CELF4: variants seen among roughly 807,000 people sequenced by gnomAD.
CELF4 encodes CUG-BP- and ETR-3-like factor 4.
In CELF4, 18 loss-of-function variants were observed where a neutral mutation model predicts 59.9. The observed-to-expected ratio is 0.30, with a 90% CI of 0.21 to 0.45. The LOEUF is 0.45. CELF4 is among the 20% of genes least tolerant of loss of function. The pLI is 1.00. For synonymous variants in CELF4, 261 were observed against 267.1 expected, an observed-to-expected ratio of 0.98 and a Z score of 0.22; for missense variants, 456 against 689.0, an observed-to-expected ratio of 0.66 and a Z score of 3.79.
intron 8 of CELF4, among the ~76,000 whole-genome samples, chr18:37,269,406 G>T (rs2090045964): frequency 6.6e-6 from 1 of 152,176 alleles, no homozygotes; most frequent in Non-Finnish European, 1.5e-5. Flanking sequence ...CTGCTAGTGG[G>T]ACTTTTATAT....
intron 2 of CELF4, among the ~76,000 whole-genome samples, chr18:37,383,445 G>A (rs1396491075): frequency 1.3e-5 from 2 of 152,200 alleles, no homozygotes; most frequent in African/African-American, 4.8e-5. Flanking sequence ...CATTTTAGAA[G>A]GATGTTTCCT....
At chr18:37,408,345 C>A (rs1181520093) in intron 2 of CELF4, among the ~76,000 whole-genome samples, 2 of 152,106 alleles carry the variant, frequency 1.3e-5, no homozygotes, top group African/African-American at 4.8e-5. Flanking sequence ...CTTAGGAAGA[C>A]CCTGAACCAT....
chr18:37,495,615 G>A (rs192644159), intron 1 of CELF4, among the ~76,000 whole-genome samples: 17 of 152,144 alleles, frequency 1.1e-4, no homozygotes, highest in Non-Finnish European at 2.1e-4. Context: ...AATACTTGCC[G>A]AGTGAGTGGC....
At chr18:37,251,490 C>T (rs1450948916) in intron 12 of CELF4, among the ~76,000 whole-genome samples, 1 of 152,194 alleles carries the variant, frequency 6.6e-6, no homozygotes, top group Non-Finnish European at 1.5e-5. Context: ...AGACAAGCTA[C>T]TTTCAGGGGT....
chr18:37,359,002 G>A (rs565647261), intron 2 of CELF4, among the ~76,000 whole-genome samples: 1 of 152,338 alleles, frequency 6.6e-6, no homozygotes, highest in Non-Finnish European at 1.5e-5. Context: ...TTGGGAGGCT[G>A]AGGCAGAATT....
chr18:37,454,933 G>T (rs372837033), intron 2 of CELF4, among the ~76,000 whole-genome samples: 2 of 152,100 alleles, frequency 1.3e-5, no homozygotes, highest in African/African-American at 4.8e-5. Flanking sequence ...TCTCCAGCAC[G>T]AGGACATGGG....
intron 2 of CELF4, among the ~76,000 whole-genome samples, chr18:37,482,160 G>A (rs1033985618): frequency 6.6e-6 from 1 of 152,210 alleles, no homozygotes; most frequent in Non-Finnish European, 1.5e-5. Flanking sequence ...TCCAAGCGGG[G>A]AGGTGGATGT....
At chr18:37,462,176 T>A (rs928171370) in intron 2 of CELF4, among the ~76,000 whole-genome samples, 1 of 152,034 alleles carries the variant, frequency 6.6e-6, no homozygotes, top group Non-Finnish European at 1.5e-5. Flanking sequence ...ATCTGGGGGT[T>A]GCCCCTGTAT....
chr18:37,355,983 C>T (rs903512881), intron 2 of CELF4, among the ~76,000 whole-genome samples: 7 of 152,184 alleles, frequency 4.6e-5, no homozygotes, highest in Non-Finnish European at 1.0e-4. Flanking sequence ...AGTCTGTCTT[C>T]GTCAGCCACA....
At chr18:37,450,316 G>C (rs936957717) in intron 2 of CELF4, among the ~76,000 whole-genome samples, 5 of 151,586 alleles carry the variant, frequency 3.3e-5, no homozygotes, top group Admixed American at 2.0e-4. Flanking sequence ...GTTCTCTCTC[G>C]CCCTCTCTTT....
At chr18:37,365,389 G>C (rs754353382) in intron 2 of CELF4, among the ~76,000 whole-genome samples, 1 of 151,838 alleles carries the variant, frequency 6.6e-6, no homozygotes, top group East Asian at 1.9e-4. Flanking sequence ...CCCACCCCCT[G>C]TGAATTGAGG....
At chr18:37,304,158 C>A (rs1034537889) in intron 3 of CELF4, among the ~76,000 whole-genome samples, 1 of 152,306 alleles carries the variant, frequency 6.6e-6, no homozygotes, top group Non-Finnish European at 1.5e-5. Context: ...AACTTACAAA[C>A]CCACGCAACC....
At chr18:37,433,060 C>T (rs529735961) in intron 2 of CELF4, among the ~76,000 whole-genome samples, 11 of 152,282 alleles carry the variant, frequency 7.2e-5, no homozygotes, top group Middle Eastern at 3.4e-3. Flanking sequence ...GTGGATTGAA[C>T]GCCTGTGGGA....
In CELF4 at chr18:37,274,904, C is replaced by G. The variant is rs772310513; in HGVS notation, c.578-20G>C. ...CGCACCCTGCGAGGACGCGAGAGGCCGAGCTGGGACCCAGAAGCAGGGCCA... is the reference window on the plus strand; with the variant it reads ...CGCACCCTGCGAGGACGCGAGAGGCGGAGCTGGGACCCAGAAGCAGGGCCA... On this transcript the variant is annotated intron_variant, in intron 4 of 12. Transcript: ENST00000420428. 1.9e-6 allele frequency: 3 copies of G among 1,601,540 alleles called. No individual in the cohort carries two copies. Among genetic ancestry groups the G allele is most frequent in the Admixed American group, 1.7e-5 (1 of 58,484 alleles).
At chr18:37,324,245 A>G (rs1403728963) in intron 2 of CELF4, among the ~76,000 whole-genome samples, 2 of 152,166 alleles carry the variant, frequency 1.3e-5, no homozygotes, top group Non-Finnish European at 2.9e-5. Context: ...GCCAAAATTC[A>G]TACAGTGAAG....
At chr18:37,358,569 C>G (rs1325958811) in intron 2 of CELF4, among the ~76,000 whole-genome samples, 1 of 152,202 alleles carries the variant, frequency 6.6e-6, no homozygotes, top group Non-Finnish European at 1.5e-5. Flanking sequence ...GGCAGGGAGG[C>G]AGGTACCCCC....
Position 37,254,404 on chromosome 18 carries a change from G to T in CELF4, c.1334-466C>A, listed in dbSNP as rs2067784628. 6.6e-6 allele frequency among the ~76,000 whole-genome samples: 1 copy of T among 151,876 alleles called. No homozygotes were observed. The highest frequency in any genetic ancestry group is 2.4e-5 in the African/African-American group (1 of 41,402). On this transcript the variant is annotated intron_variant, in intron 11 of 12. Transcript: ENST00000420428. The surrounding 1 kb of genome is among the most constrained non-coding windows in gnomAD (Gnocchi z 5.1). ...CCGGCCTGGGGAGAGAGACGAGTGCGAGGGGCCGGGAGGGAGGCGCCGCCG... is the reference window on the plus strand; with the variant it reads ...CCGGCCTGGGGAGAGAGACGAGTGCTAGGGGCCGGGAGGGAGGCGCCGCCG...
At chr18:37,409,058 G>A (rs1227295052) in intron 2 of CELF4, among the ~76,000 whole-genome samples, 1 of 152,234 alleles carries the variant, frequency 6.6e-6, no homozygotes, top group Non-Finnish European at 1.5e-5. Context: ...CAGGGGCCAG[G>A]ACTGCTGACT....
intron 2 of CELF4, among the ~76,000 whole-genome samples, chr18:37,435,483 T>C (rs910937824): frequency 6.6e-6 from 1 of 152,176 alleles, no homozygotes; most frequent in Admixed American, 6.5e-5. Context: ...TCAGCTCTCT[T>C]GACCACTGAG....
Sources: allele counts gnomAD v4.1 joint callset (sites outside exome capture counted in the v4.1 genomes callset), GRCh38; gene constraint gnomAD v4.1.1; non-coding constraint Gnocchi (gnomAD v3.1); transcripts MANE v1.5; gene names NCBI Gene and HGNC (gene_info 2026-07-23, HGNC 2026-07-21).